The following ANGPT2 variants were observed in gnomAD, a reference collection of about 807,000 sequenced individuals.
ANGPT2 encodes the protein angiopoietin 2.
ANGPT2 carries 28 observed loss-of-function variants against 62.9 expected under a neutral mutation model. The ratio of observed to expected loss-of-function variants is 0.44; its 90% CI spans 0.33 to 0.61. The LOEUF is 0.61. ANGPT2 is among the 20% of genes least tolerant of loss of function. ANGPT2 has a pLI of 0.03. For synonymous variants in ANGPT2, 284 were observed against 207.8 expected (o/e 1.37, Z -3.15); for missense variants, 727 against 594.9 (o/e 1.22, Z -2.31).
At chr8:6,527,899 A>AT (rs71213313) in intron 2 of ANGPT2, among the ~76,000 whole-genome samples, 15,308 of 133,118 alleles carry the variant, frequency 0.11, 1,247 homozygotes, top group African/African-American at 0.19. Context: ...CCACGTCTCT[A>AT]TTTTTTTTTT....
At chr8:6,530,323 C>T (rs1253611433) in intron 2 of ANGPT2, among the ~76,000 whole-genome samples, 1 of 152,052 alleles carries the variant, frequency 6.6e-6, no homozygotes, top group African/African-American at 2.4e-5. Context: ...GCCTGGCCAA[C>T]GTGGTGAAAC....
At chr8:6,518,030 C>T (rs888877138) in intron 5 of ANGPT2, among the ~76,000 whole-genome samples, 3 of 151,972 alleles carry the variant, frequency 2.0e-5, no homozygotes, top group African/African-American at 4.8e-5. Context: ...TCATATAATC[C>T]CAGAGTACTA....
chr8:6,527,255 C>G (rs911280835), intron 3 of ANGPT2, among the ~76,000 whole-genome samples: 3 of 151,614 alleles, frequency 2.0e-5, no homozygotes, highest in Non-Finnish European at 4.4e-5. Context: ...CTCCACAGCA[C>G]TAGCTGTATT....
At chr8:6,503,453 C>T (rs1237359514) in intron 8 of ANGPT2, among the ~76,000 whole-genome samples, 192 bp from the exon 9 acceptor site, 1 of 152,178 alleles carries the variant, frequency 6.6e-6, no homozygotes, top group Non-Finnish European at 1.5e-5. Context: ...CATCACAGTT[C>T]CATTACGGCA....
chr8:6,553,354 T>C (rs1263286730), intron 1 of ANGPT2, among the ~76,000 whole-genome samples: 2 of 152,208 alleles, frequency 1.3e-5, no homozygotes, highest in Non-Finnish European at 2.9e-5. Context: ...TACTTTCAGA[T>C]TGCACCAGTA....
chr8:6,560,208 A>C (rs1825315090), intron 1 of ANGPT2, among the ~76,000 whole-genome samples: 1 of 152,178 alleles, frequency 6.6e-6, no homozygotes, highest in Non-Finnish European at 1.5e-5. Flanking sequence ...GAGAGAAAGG[A>C]GATATGGAAA....
chr8:6,526,852 A>G (rs979209798), intron 3 of ANGPT2, among the ~76,000 whole-genome samples: 1 of 152,232 alleles, frequency 6.6e-6, no homozygotes, highest in Non-Finnish European at 1.5e-5. Context: ...GAACAGACAT[A>G]TGAAAACAGT....
At chr8:6,552,846 A>C (rs1823896096) in intron 1 of ANGPT2, among the ~76,000 whole-genome samples, 1 of 152,058 alleles carries the variant, frequency 6.6e-6, no homozygotes, top group Non-Finnish European at 1.5e-5. Flanking sequence ...CATTAAGTGA[A>C]AGAAGCCAGT....
rs779579363 is a variant in ANGPT2, at chr8:6,514,819, C to T, written c.928-41G>A. The T allele has an allele frequency of 3.9e-6, 6 of 1,557,470 alleles. No homozygotes were observed. In the Admixed American group the frequency reaches 5.0e-5, roughly 13 times the overall value. On this transcript the variant is annotated intron_variant, in intron 5 of 8. Transcript: ENST00000629816. ...CAGGGTATAAGTGACAGAGCCCCCC[C>T]ACTCCCCCCTTACGTAGCAGAAGCA... is the stretch of plus-strand genomic sequence containing the variant.
chr8:6,509,608 T>A (rs991850518), intron 7 of ANGPT2, among the ~76,000 whole-genome samples: 2 of 152,244 alleles, frequency 1.3e-5, no homozygotes, highest in African/African-American at 4.8e-5. Flanking sequence ...AATTAAACTT[T>A]TAGACATTGA....
At chr8:6,529,611 C>G (rs1040459228) in intron 2 of ANGPT2, among the ~76,000 whole-genome samples, 4 of 150,156 alleles carry the variant, frequency 2.7e-5, no homozygotes, top group African/African-American at 9.8e-5. Context: ...TGCACACAAG[C>G]ACGCCTGGCT....
At chr8:6,506,523 C>G (rs1586201132) in intron 8 of ANGPT2, among the ~76,000 whole-genome samples, 1 of 152,310 alleles carries the variant, frequency 6.6e-6, no homozygotes, top group East Asian at 1.9e-4. Flanking sequence ...GCACACCCTT[C>G]TCAAGGAGAG....
At chr8:6,539,242 G>A (rs13269021) in intron 1 of ANGPT2, among the ~76,000 whole-genome samples, 53 of 152,194 alleles carry the variant, frequency 3.5e-4, no homozygotes, top group African/African-American at 1.2e-3. Context: ...GCCCTGTGAC[G>A]TGGGAAGCAA....
At chr8:6,533,209 T>A (rs559485997) in intron 1 of ANGPT2, among the ~76,000 whole-genome samples, 5 of 152,378 alleles carry the variant, frequency 3.3e-5, no homozygotes, top group African/African-American at 1.2e-4. Flanking sequence ...CTCCCTCAGT[T>A]ACTAAAGATG....
At chr8:6,518,231 C>T (rs1213316034) in intron 5 of ANGPT2, among the ~76,000 whole-genome samples, 1 of 152,162 alleles carries the variant, frequency 6.6e-6, no homozygotes, top group African/African-American at 2.4e-5. Context: ...TCCTCTGTCC[C>T]CCCTCTTGAC....
In ANGPT2 at chr8:6,514,729, C is replaced by T. The variant is rs201772772; in HGVS notation, c.977G>A (p.Arg326Gln). 2.0e-5 allele frequency: 32 copies of T among 1,614,068 alleles called. No individual in the cohort carries two copies. The highest frequency in any genetic ancestry group is 2.4e-5 in the Non-Finnish European group (28 of 1,180,008). The change falls in exon 6 of 9, where the codon CGA becomes CAA. Residue 326 changes from arginine to glutamine, a missense_variant. Coordinates refer to ENST00000629816, the MANE Select transcript of ANGPT2 (RefSeq NM_001118887.2). ...AAAATCAACGCTGCCATCCTCACGT[C>T]GCTGAATAATTGTCCACCCGCCTCC... ...AGGGGWTIIQ[R>Q]REDGSVDFQR...
intron 1 of ANGPT2, among the ~76,000 whole-genome samples, chr8:6,557,913 G>A (rs943005228): frequency 6.6e-6 from 1 of 152,124 alleles, no homozygotes. Context: ...GCCAGATATG[G>A]AAAGATATAA....
chr8:6,559,219 C>G (rs1014021239), intron 1 of ANGPT2, among the ~76,000 whole-genome samples: 1 of 95,758 alleles, frequency 1.0e-5, no homozygotes, highest in African/African-American at 3.9e-5. Flanking sequence ...TGTTTTGTAG[C>G]CACACACGAC....
At chr8:6,530,405 A>G (rs1308936260) in intron 2 of ANGPT2, among the ~76,000 whole-genome samples, 2 of 150,234 alleles carry the variant, frequency 1.3e-5, no homozygotes, top group Non-Finnish European at 3.0e-5. Context: ...GCTACGCGGG[A>G]GGCTAAGGCA....
Sources: allele counts gnomAD v4.1 joint callset (sites outside exome capture counted in the v4.1 genomes callset), GRCh38; gene constraint gnomAD v4.1.1; transcripts MANE v1.5; gene names NCBI Gene and HGNC (gene_info 2026-07-23, HGNC 2026-07-21).